IMPA2: variants seen among roughly 807,000 people sequenced by gnomAD.
IMPA2 encodes inositol monophosphatase 2.
A neutral mutation model predicts 35.1 loss-of-function variants in IMPA2; 32 were observed. The ratio of observed to expected loss-of-function variants is 0.91; its 90% CI spans 0.69 to 1.23. The LOEUF (loss-of-function observed/expected upper bound fraction) is 1.23. Ranked by LOEUF, IMPA2 falls within the 50% of genes most tolerant of loss-of-function variation. The pLI, the probability that IMPA2 is intolerant of heterozygous loss-of-function variation, is 0.00. For missense variants in IMPA2, 334 were observed against 387.6 expected (o/e 0.86, Z 1.16); for synonymous variants, 135 against 160.6 (o/e 0.84, Z 1.20).
chr18:12,026,569 G>C (rs891220658), intron 5 of IMPA2, among the ~76,000 whole-genome samples: 1 of 152,150 alleles, frequency 6.6e-6, no homozygotes, highest in Admixed American at 6.5e-5. Flanking sequence ...ACTGTTTATC[G>C]AGTGCCCACT....
rs114933598 is a variant in IMPA2 at position 11,988,610 on chromosome 18, G to A, written c.96+6845G>A. Among the ~76,000 whole-genome samples the A allele has an allele frequency of 3.1e-3, 477 of 152,254 alleles. 1 individual carries two copies. The highest frequency in any genetic ancestry group is 0.01 in the African/African-American group (420 of 41,534). ...TTGACTGGGGTGCATGAAGAAGGTG[G>A]TGAAGAAGATTTACTTTGGAGGCTG... On this transcript the variant is annotated intron_variant, in intron 1 of 7. Transcript: ENST00000269159.
At chr18:12,027,972 T>C in intron 5 of IMPA2, 71 bp from the exon 6 acceptor site, 1 of 926,054 alleles carries the variant, frequency 1.1e-6, no homozygotes, top group Non-Finnish European at 1.8e-6. Flanking sequence ...AGGCTCACGT[T>C]GGAAGCCTGT....
chr18:11,989,364 C>G (rs1906748749), intron 1 of IMPA2, among the ~76,000 whole-genome samples: 1 of 152,136 alleles, frequency 6.6e-6, no homozygotes, highest in Non-Finnish European at 1.5e-5. Flanking sequence ...TCCTGCCTCG[C>G]CTGGTCCACA....
Position 11,988,001 on chromosome 18 carries a change from C to CTTTT in IMPA2, c.96+6255_96+6258dup, listed in dbSNP as rs71172043. ...GAAGTTAAATGCACATGTTTATTGGCTTTTTTTTTTTTTTTTTTTTTTGAG... is the reference window on the plus strand; with the variant it reads ...GAAGTTAAATGCACATGTTTATTGGCTTTTTTTTTTTTTTTTTTTTTTTTTTGAG... On this transcript the variant is annotated intron_variant, in intron 1 of 7. Transcript: ENST00000269159. Among the ~76,000 whole-genome samples, 222 of 101,862 alleles carry CTTTT rather than the reference C, an allele frequency of 2.2e-3. 3 individuals are homozygous for CTTTT. Among genetic ancestry groups the CTTTT allele is most frequent in the African/African-American group, 3.4e-3 (88 of 26,170 alleles). 66.8% of individuals were successfully genotyped at this position (101,862 alleles called of 152,430 possible).
At chr18:12,022,171 C>A (rs1207377464) in intron 5 of IMPA2, among the ~76,000 whole-genome samples, 2 of 152,058 alleles carry the variant, frequency 1.3e-5, no homozygotes, top group East Asian at 3.9e-4. Context: ...AATAAGAACT[C>A]CACCTATTAA....
In IMPA2 at chr18:11,999,038, CG is replaced by C. The variant is rs780203010; in HGVS notation, c.97-15del. On this transcript the variant is annotated splice_polypyrimidine_tract_variant and intron_variant, in intron 1 of 7. Transcript: ENST00000269159. ...ATGTTTGCATGTTTAACCCAAATCC[CG>C]TACTTTTATTTCAGATCATCAGAAA... The C allele has an allele frequency of 9.4e-6, 15 of 1,600,672 alleles. No homozygotes were observed. Among genetic ancestry groups the C allele is most frequent in the Non-Finnish European group, 1.7e-6 (2 of 1,173,882 alleles).
At chr18:11,984,836 C>T (rs1329062569) in intron 1 of IMPA2, among the ~76,000 whole-genome samples, 10 of 150,450 alleles carry the variant, frequency 6.6e-5, no homozygotes, top group African/African-American at 1.2e-4. Flanking sequence ...GGCGTGGTGG[C>T]GGGCGCCTGT....
At chr18:11,983,281 G>A (rs1906559185) in intron 1 of IMPA2, among the ~76,000 whole-genome samples, 2 of 152,186 alleles carry the variant, frequency 1.3e-5, no homozygotes, top group Admixed American at 6.5e-5. Context: ...CATGGAACAC[G>A]GGTTCTCCTT....
In IMPA2 at chr18:12,009,950, A is replaced by G; in HGVS notation, c.298A>G (p.Ile100Val). 1 of 1,614,138 alleles carries G rather than the reference A, an allele frequency of 6.2e-7. No individual in the cohort carries two copies. ...GCTCACCCACAGCCCGACGTGGATCATCGACCCCATCGACGGCACCTGCAA... is the reference window on the plus strand; with the variant it reads ...GCTCACCCACAGCCCGACGTGGATCGTCGACCCCATCGACGGCACCTGCAA... ...CVLTHSPTWI[I>V]DPIDGTCNFV... Residue 100 changes from isoleucine to valine, a missense_variant, in exon 3 of 8, where the codon ATC becomes GTC. Physicochemically the swap from Ile to Val is conservative, Grantham distance 29 (BLOSUM62 3). Coordinates refer to ENST00000269159, the MANE Select transcript of IMPA2 (RefSeq NM_014214.3).
Position 12,027,984 on chromosome 18 carries a change from C to T in IMPA2, c.491-59C>T, listed in dbSNP as rs1907929119. ...GAAAGGCTCACGTTGGAAGCCTGTA[C>T]TCCTTAGTTAGAACCAAGACTTGAT... On this transcript the variant is annotated intron_variant, in intron 5 of 7. Coordinates refer to ENST00000269159, the MANE Select transcript of IMPA2 (RefSeq NM_014214.3). The T allele has an allele frequency of 4.6e-6, 5 of 1,092,122 alleles. No homozygotes were observed. The South Asian group carries it at 6.3e-5, about 14-fold the overall frequency. 67.7% of individuals were successfully genotyped at this position (1,092,122 alleles called of 1,614,324 possible).
rs756565198 is a variant in IMPA2, at chr18:12,010,005, C to T, written c.335+18C>T. 48 of 1,583,068 alleles carry T rather than the reference C, an allele frequency of 3.0e-5. No individual in the cohort carries two copies. Among genetic ancestry groups the T allele is most frequent in the Non-Finnish European group, 3.7e-5 (43 of 1,153,014 alleles). On this transcript the variant is annotated intron_variant, in intron 3 of 7. Transcript: ENST00000269159. The surrounding 1 kb of genome is among the most constrained non-coding windows in gnomAD (Gnocchi z 4.8). ...GTGCACAGGTGAGCTGAGCAGGGATCGCCTCCATTGCAGGGCTTAACATGT... is the reference window on the plus strand; with the variant it reads ...GTGCACAGGTGAGCTGAGCAGGGATTGCCTCCATTGCAGGGCTTAACATGT...
In IMPA2 at chr18:11,981,622, G is replaced by C; in HGVS notation, c.-48G>C. 1.7e-6 allele frequency: 2 copies of C among 1,174,364 alleles called. No homozygotes were observed. Among genetic ancestry groups the C allele is most frequent in the Non-Finnish European group, 1.1e-6 (1 of 936,888 alleles). The allele number at this position is 1,174,364 out of a possible 1,614,324, so 72.7% of individuals were successfully genotyped here. On this transcript the variant is annotated 5_prime_UTR_variant, in exon 1 of 8. Coordinates refer to ENST00000269159, the MANE Select transcript of IMPA2 (RefSeq NM_014214.3). The stretch of plus-strand genomic sequence containing the variant: ...GGACGGCGGGATCCGGTGGGAGCCG[G>C]AGTCCCGCCGAGGGGGGCTGGAGGT...
intron 1 of IMPA2, 107 bp downstream of exon 1, chr18:11,981,872 G>T (rs1906509401): frequency 2.8e-6 from 2 of 710,656 alleles, no homozygotes; most frequent in Admixed American, 4.4e-5. Flanking sequence ...GGGCGCCCAG[G>T]GTCCGCACCC....
intron 1 of IMPA2, among the ~76,000 whole-genome samples, chr18:11,986,534 A>C (rs1906671219): frequency 6.6e-6 from 1 of 152,204 alleles, no homozygotes; most frequent in Admixed American, 6.5e-5. Context: ...TCAGGGCAGA[A>C]GGCACATTGG....
chr18:12,002,537 C>G (rs686961), intron 2 of IMPA2, among the ~76,000 whole-genome samples: 64,423 of 151,814 alleles, frequency 0.42, 15,967 homozygotes, highest in African/African-American at 0.67. Context: ...ACTTCAGGAG[C>G]CCAAGGTCAG....
intron 7 of IMPA2, among the ~76,000 whole-genome samples, chr18:12,029,279 T>A (rs1907979007): frequency 2.0e-5 from 3 of 151,658 alleles, no homozygotes; most frequent in Middle Eastern, 6.8e-3. Flanking sequence ...CATGCCTGGC[T>A]AATTTTTTGT....
chr18:12,012,558 A>G (rs941749017), intron 4 of IMPA2, among the ~76,000 whole-genome samples: 3 of 152,208 alleles, frequency 2.0e-5, no homozygotes, highest in Non-Finnish European at 2.9e-5. Flanking sequence ...CTCACAAACT[A>G]AAAGGAGCAC....
At chr18:12,016,425 C>CCTTT (rs1555646440) in intron 5 of IMPA2, among the ~76,000 whole-genome samples, 1 of 132,390 alleles carries the variant, frequency 7.6e-6, no homozygotes, top group African/African-American at 3.1e-5. Flanking sequence ...GATTCTGCCG[C>CCTTT]TTTTTTTTTT....
At position 12,003,607 on chromosome 18, in the gene IMPA2, C is replaced by T. The variant is rs1907171914; in HGVS notation, c.230+4420C>T. Among the ~76,000 whole-genome samples the T allele has an allele frequency of 1.4e-5, 2 of 146,742 alleles. 1 individual carries two copies. Among genetic ancestry groups the T allele is most frequent in the Non-Finnish European group, 3.0e-5 (2 of 67,548 alleles). On this transcript the variant is annotated intron_variant, in intron 2 of 7. Coordinates refer to ENST00000269159, the MANE Select transcript of IMPA2 (RefSeq NM_014214.3). ...TGGAGGTTGCAGTGAGCTGAGATTG[C>T]ACCATTGCACTCCAGCCTGGGCATC...
Sources: gnomAD v4.1 joint callset for allele counts (sites outside exome capture counted in the v4.1 genomes callset) on GRCh38, gnomAD v4.1.1 for gene constraint, Gnocchi (gnomAD v3.1) non-coding constraint, MANE v1.5 for transcripts, NCBI Gene and HGNC (gene_info 2026-07-23, HGNC 2026-07-21) for gene names.